Variants in ERG observed in about 807,000 individuals in gnomAD.
ERG encodes the protein ETS transcription factor ERG.
In ERG, 9 loss-of-function variants were observed where a neutral mutation model predicts 55.3. The ratio of observed to expected loss-of-function variants is 0.16; its 90% CI spans 0.10 to 0.28. The LOEUF (loss-of-function observed/expected upper bound fraction) is 0.28. Among genes scored for constraint, ERG ranks in the 10% least tolerant of loss-of-function variants. The probability of loss-of-function intolerance (pLI) is 1.00; values close to 1 mark genes in which losing one functional copy is unlikely to be tolerated. For synonymous variants in ERG, 223 were observed against 237.3 expected (o/e 0.94, Z 0.55); for missense variants, 434 against 631.6 (o/e 0.69, Z 3.35).
chr21:38,482,495 C>G (rs2059246646), intron 1 of ERG, among the ~76,000 whole-genome samples: 1 of 152,034 alleles, frequency 6.6e-6, no homozygotes, highest in African/African-American at 2.4e-5. Flanking sequence ...ACCATATGAC[C>G]CAGCAATCCC....
chr21:38,443,181 T>C (rs902023052), intron 2 of ERG, among the ~76,000 whole-genome samples: 22 of 152,228 alleles, frequency 1.4e-4, no homozygotes, highest in African/African-American at 5.3e-4. Flanking sequence ...GGAGCACTGT[T>C]CTCGCCTCCT....
chr21:38,507,832 C>G (rs2059475209), intron 2 of ERG, among the ~76,000 whole-genome samples: 1 of 152,126 alleles, frequency 6.6e-6, no homozygotes, highest in Admixed American at 6.5e-5. Flanking sequence ...CTGAACAGAA[C>G]GTGCCCAGCA....
At chr21:38,494,095 GC>G (rs776831364) in intron 1 of ERG, among the ~76,000 whole-genome samples, 17 of 152,188 alleles carry the variant, frequency 1.1e-4, no homozygotes, top group Non-Finnish European at 2.4e-4. Flanking sequence ...TAGCTACCTT[GC>G]CCAGGGTCAC....
At chr21:38,440,291 T>G (rs545205436) in intron 2 of ERG, among the ~76,000 whole-genome samples, 1 of 152,182 alleles carries the variant, frequency 6.6e-6, no homozygotes, top group Non-Finnish European at 1.5e-5. Context: ...AGTGGAGCGT[T>G]GAGGAGCTGC....
intron 2 of ERG, among the ~76,000 whole-genome samples, chr21:38,535,153 A>G (rs2059700399): frequency 6.6e-6 from 1 of 151,918 alleles, no homozygotes; most frequent in African/African-American, 2.4e-5. Context: ...TCTTAAGGAC[A>G]TTATGCTGCG....
chr21:38,377,024 A>G (rs1987262339), downstream of ERG, among the ~76,000 whole-genome samples: 1 of 152,272 alleles, frequency 6.6e-6, no homozygotes, highest in African/African-American at 2.4e-5. Context: ...AGACTGTCCA[A>G]GCGATGGCTT....
intron 1 of ERG, among the ~76,000 whole-genome samples, chr21:38,474,371 G>A (rs540952074): frequency 6.6e-6 from 1 of 152,316 alleles, no homozygotes; most frequent in African/African-American, 2.4e-5. Context: ...TGCATGTTGA[G>A]TGCCTTTGTG....
At chr21:38,491,194 C>T (rs1303096387) in intron 1 of ERG, among the ~76,000 whole-genome samples, 3 of 142,092 alleles carry the variant, frequency 2.1e-5, no homozygotes, top group African/African-American at 7.8e-5. Context: ...ATCATGTGCA[C>T]ACTGTCAAAA....
chr21:38,525,666 G>A (rs145541941), intron 2 of ERG, among the ~76,000 whole-genome samples: 24 of 152,312 alleles, frequency 1.6e-4, no homozygotes, highest in African/African-American at 5.1e-4. Context: ...CTTCAACCAC[G>A]TCAGCTTTTT....
chr21:38,579,765 C>G (rs1448126864), intron 1 of ERG, among the ~76,000 whole-genome samples: 1 of 151,978 alleles, frequency 6.6e-6, no homozygotes, highest in African/African-American at 2.4e-5. Context: ...ACCTAAAGAC[C>G]AGGAGAATAA....
In ERG at chr21:38,383,657, C is replaced by T. The variant is rs779273424; in HGVS notation, c.1186G>A (p.Ala396Thr). The change falls in exon 10 of 10, where the codon GCC (alanine) becomes ACC (threonine). Residue 396 changes from alanine to threonine, a missense_variant. Ala to Thr is a moderately conservative substitution (Grantham distance 58). Transcript: ENST00000288319. The surrounding 1 kb of genome is among the most constrained non-coding windows in gnomAD (Gnocchi z 5.7). ...YAYKFDFHGI[A>T]QALQPHPPES... ...GGGGGGTGGGGCTGGAGGGCCTGGG[C>T]GATCCCGTGGAAGTCGAACTTGTAG... 4 of 1,614,076 alleles carry T rather than the reference C, an allele frequency of 2.5e-6. No individual in the cohort carries two copies. Among genetic ancestry groups the T allele is most frequent in the Admixed American group, 1.7e-5 (1 of 60,012 alleles).
At chr21:38,369,142 T>G in the ERG span, among the ~76,000 whole-genome samples, 3 of 152,230 alleles carry the variant, frequency 2.0e-5, no homozygotes, top group Non-Finnish European at 4.4e-5. Context: ...AGTAATGGGA[T>G]TGCTAAATCG....
intron 2 of ERG, among the ~76,000 whole-genome samples, chr21:38,429,149 T>C (rs1477872764): frequency 6.6e-6 from 1 of 152,132 alleles, no homozygotes; most frequent in Non-Finnish European, 1.5e-5. Flanking sequence ...TGGTTTTCCA[T>C]TCCTGAGTTA....
chr21:38,614,396 G>T (rs1351780292), intron 1 of ERG, among the ~76,000 whole-genome samples: 2 of 152,156 alleles, frequency 1.3e-5, no homozygotes, highest in Non-Finnish European at 2.9e-5. Flanking sequence ...AGAGGGAGTT[G>T]TGGCCTAGGA....
chr21:38,370,956 A>AT, the ERG span, among the ~76,000 whole-genome samples: 133 of 149,234 alleles, frequency 8.9e-4, no homozygotes, highest in East Asian at 7.4e-3. Context: ...GTACTGCCGG[A>AT]TTTTTTTTTT....
chr21:38,641,904 G>A (rs2060427277), intron 1 of ERG, among the ~76,000 whole-genome samples: 1 of 152,074 alleles, frequency 6.6e-6, no homozygotes, highest in South Asian at 2.1e-4. Context: ...CTGATTCCTG[G>A]GCCCCACCCC....
At chr21:38,455,607 A>T (rs148740505) in intron 1 of ERG, among the ~76,000 whole-genome samples, 1 of 152,282 alleles carries the variant, frequency 6.6e-6, no homozygotes, top group East Asian at 1.9e-4. Flanking sequence ...TGAATCTCTG[A>T]CACATGGATT....
chr21:38,650,232 C>T (rs942489366), intron 1 of ERG, among the ~76,000 whole-genome samples: 18 of 152,144 alleles, frequency 1.2e-4, no homozygotes, highest in African/African-American at 4.1e-4. Context: ...TGCCTAGAGA[C>T]CAGCTACTGG....
intron 1 of ERG, among the ~76,000 whole-genome samples, chr21:38,620,134 G>A (rs1391171306): frequency 6.6e-6 from 1 of 152,226 alleles, no homozygotes; most frequent in East Asian, 1.9e-4. Context: ...GATACAGAGA[G>A]TCCATAAATC....
Sources: gnomAD v4.1 joint callset for allele counts (sites outside exome capture counted in the v4.1 genomes callset) on GRCh38, gnomAD v4.1.1 for gene constraint, Gnocchi (gnomAD v3.1) non-coding constraint, MANE v1.5 for transcripts, NCBI Gene and HGNC (gene_info 2026-07-23, HGNC 2026-07-21) for gene names.